Variants in MED15 observed in about 807,000 individuals in gnomAD.
MED15 encodes mediator of RNA polymerase II transcription subunit 15.
In MED15, 41 loss-of-function variants were observed where a neutral mutation model predicts 118.7. The observed-to-expected ratio is 0.35, with a 90% confidence interval of 0.27 to 0.45. The LOEUF (loss-of-function observed/expected upper bound fraction) is 0.45, where lower values mean the gene tolerates loss of function less well. Among genes scored for constraint, MED15 ranks in the 20% least tolerant of loss-of-function variants. The probability of loss-of-function intolerance (pLI) is 1.00; values close to 1 mark genes in which losing one functional copy is unlikely to be tolerated. For missense variants in MED15, 740 were observed against 1,025.5 expected (o/e 0.72, Z 3.80); for synonymous variants, 436 against 413.9 (o/e 1.05, Z -0.65).
At chr22:20,572,441 CCTTGCAGTA>C in intron 8 of MED15, among the ~76,000 whole-genome samples, 1 of 152,334 alleles carries the variant, frequency 6.6e-6, no homozygotes, top group South Asian at 2.1e-4. Context: ...CCTGTCAGGC[CCTTGCAGTA>C]CTGTGGTGTT....
At position 20,575,097 on chromosome 22, in the gene MED15, C is replaced by T. The variant is rs2056783506; in HGVS notation, c.1153-16C>T. 6.2e-7 allele frequency: 1 copy of T among 1,613,366 alleles called. No homozygotes were observed. The highest frequency in any genetic ancestry group is 2.2e-5 in the East Asian group (1 of 44,878). On this transcript the variant is annotated splice_polypyrimidine_tract_variant and intron_variant, in intron 8 of 17. Transcript: ENST00000263205. ...TTGTTGCGATCACCTTGTCTGTTGT[C>T]CCTCTGTCCTCAAAGATGATCACGG...
Position 20,507,667 on chromosome 22 carries a change from T to G in MED15, c.-12T>G. On this transcript the variant is annotated 5_prime_UTR_variant, in exon 1 of 18. Coordinates refer to ENST00000263205, the MANE Select transcript of MED15 (RefSeq NM_001003891.3). ...CAAGCGGGATACGGGCGGCGGGAGCTGGGGAACAGGCATGGACGTTTCCGG... is the reference window on the plus strand; with the variant it reads ...CAAGCGGGATACGGGCGGCGGGAGCGGGGGAACAGGCATGGACGTTTCCGG... 6.2e-7 allele frequency: 1 copy of G among 1,613,872 alleles called. No individual in the cohort carries two copies. The highest frequency in any genetic ancestry group is 8.5e-7 in the Non-Finnish European group (1 of 1,179,876).
intron 9 of MED15, among the ~76,000 whole-genome samples, chr22:20,579,362 C>T (rs574130159): frequency 4.6e-5 from 7 of 152,112 alleles, no homozygotes; most frequent in African/African-American, 1.2e-4. Flanking sequence ...TGAATGGGTG[C>T]CCTTCATTTG....
intron 2 of MED15, among the ~76,000 whole-genome samples, chr22:20,540,445 G>A (rs763098016): frequency 9.2e-5 from 14 of 152,004 alleles, no homozygotes; most frequent in Non-Finnish European, 1.5e-4. Flanking sequence ...ATGGTGGCGC[G>A]TGCCTGTAGT....
intron 1 of MED15, among the ~76,000 whole-genome samples, chr22:20,526,655 A>G (rs942999379): frequency 6.6e-6 from 1 of 152,258 alleles, no homozygotes; most frequent in Admixed American, 6.5e-5. Context: ...CTCTCAGTAC[A>G]GTTATCTTCA....
chr22:20,569,284 C>T (rs1402871269), intron 8 of MED15, among the ~76,000 whole-genome samples: 3 of 152,180 alleles, frequency 2.0e-5, no homozygotes, highest in Non-Finnish European at 2.9e-5. Flanking sequence ...TATAACCCCT[C>T]CTCTCCTTCT....
rs140361541 is a variant in MED15 at position 20,559,417 on chromosome 22, G to A, written c.451+4269G>A. On this transcript the variant is annotated intron_variant, in intron 5 of 17. Coordinates refer to ENST00000263205, the MANE Select transcript of MED15 (RefSeq NM_001003891.3). ...GCACATGGAAAATGTGAAAGCAAGG[G>A]TAAGAAATGAGGATAAGATCAGAAA... Among the ~76,000 whole-genome samples the A allele has an allele frequency of 5.2e-4, 79 of 152,246 alleles. 1 individual carries two copies. The Middle Eastern group carries it at 0.01, about 20-fold the overall frequency.
intron 1 of MED15, among the ~76,000 whole-genome samples, chr22:20,513,524 G>T (rs958691531): frequency 1.3e-5 from 2 of 152,146 alleles, no homozygotes; most frequent in African/African-American, 4.8e-5. Context: ...TGACCCACCT[G>T]CCTCGGCCTC....
chr22:20,568,067 C>T (rs1426562450), intron 7 of MED15, among the ~76,000 whole-genome samples: 2 of 152,198 alleles, frequency 1.3e-5, no homozygotes, highest in Non-Finnish European at 2.9e-5. Context: ...TCTTGATCTC[C>T]TGGGCTTAAG....
rs781519780 is a variant in MED15 at position 20,566,636 on chromosome 22, C to T, written c.860C>T (p.Pro287Leu). ...QPQPPPSQAL[P>L]QQLQQMHHTQ... ...CAGCCTCCGCCCTCCCAGGCTCTGCCCCAGCAGCTGCAGCAGATGCATCAC... is the reference window on the plus strand; with the variant it reads ...CAGCCTCCGCCCTCCCAGGCTCTGCTCCAGCAGCTGCAGCAGATGCATCAC... Residue 287 changes from proline (P) to leucine (L), a missense_variant, in exon 7 of 18, where the codon CCC becomes CTC. Pro to Leu is a moderately conservative substitution (Grantham distance 98, BLOSUM62 -3). Transcript: ENST00000263205. 1 of 1,614,104 alleles carries T rather than the reference C, an allele frequency of 6.2e-7. No individual in the cohort carries two copies. Among genetic ancestry groups the T allele is most frequent in the South Asian group, 1.1e-5 (1 of 91,080 alleles).
chr22:20,537,054 C>A, intron 1 of MED15, 63 bp from the exon 2 acceptor site: 1 of 1,480,860 alleles, frequency 6.8e-7, no homozygotes, highest in Non-Finnish European at 9.3e-7. Flanking sequence ...GCCTGTTGGC[C>A]AGGGCCCTGC....
chr22:20,558,639 T>C (rs1228240834), intron 5 of MED15, among the ~76,000 whole-genome samples: 1 of 152,182 alleles, frequency 6.6e-6, no homozygotes, highest in African/African-American at 2.4e-5. Context: ...CACTTTGGAA[T>C]GCTGGCCTGC....
intron 6 of MED15, among the ~76,000 whole-genome samples, chr22:20,565,125 AAAAAAT>A (rs1219576114): frequency 2.6e-5 from 4 of 152,226 alleles, no homozygotes; most frequent in South Asian, 2.1e-4. Flanking sequence ...TCCGTCTCAA[AAAAAAT>A]AAAAATAAAA....
intron 1 of MED15, among the ~76,000 whole-genome samples, chr22:20,534,678 G>A (rs1354369274): frequency 6.6e-6 from 1 of 152,190 alleles, no homozygotes. Flanking sequence ...TTGGGGCCTA[G>A]CAGCTATCGT....
At chr22:20,559,370 C>G (rs1476349810) in intron 5 of MED15, among the ~76,000 whole-genome samples, 1 of 152,004 alleles carries the variant, frequency 6.6e-6, no homozygotes, top group East Asian at 1.9e-4. Flanking sequence ...AAGAAATTAT[C>G]TAGAATGTAG....
Position 20,555,083 on chromosome 22 carries a change from C to T in MED15, c.386C>T (p.Pro129Leu), listed in dbSNP as rs765584243. Residue 129 changes from proline (P) to leucine (L), a missense_variant, in exon 5 of 18, where the codon CCG becomes CTG. By Grantham distance (98) the Pro-to-Leu change is moderately conservative. Coordinates refer to ENST00000263205, the MANE Select transcript of MED15 (RefSeq NM_001003891.3). ...MGQPMSLSGQ[P>L]PPGTSGMAPH... The stretch of plus-strand genomic sequence containing the variant: ...CAGCCAATGTCTCTCTCAGGGCAGC[C>T]GCCTCCTGGGACCTCGGGGATGGCC... 6.8e-6 allele frequency: 11 copies of T among 1,612,178 alleles called. No individual in the cohort carries two copies. The highest frequency in any genetic ancestry group is 3.3e-5 in the South Asian group (3 of 90,902).
At chr22:20,549,945 T>A (rs1218392706) in intron 2 of MED15, among the ~76,000 whole-genome samples, 3 of 152,234 alleles carry the variant, frequency 2.0e-5, no homozygotes, top group African/African-American at 4.8e-5. Flanking sequence ...GTCTTATGTC[T>A]AAGTAAAAGT....
At chr22:20,580,412 G>A (rs1463851674) in intron 9 of MED15, among the ~76,000 whole-genome samples, 1 of 152,180 alleles carries the variant, frequency 6.6e-6, no homozygotes, top group Non-Finnish European at 1.5e-5. Context: ...CCACAGAAAA[G>A]AGCTGACCAT....
chr22:20,561,747 G>T (rs971105711), intron 5 of MED15, among the ~76,000 whole-genome samples: 1 of 152,178 alleles, frequency 6.6e-6, no homozygotes, highest in African/African-American at 2.4e-5. Flanking sequence ...AAGTGCAGTG[G>T]CTCACGTCTG....
Sources: gnomAD v4.1 joint callset for allele counts (sites outside exome capture counted in the v4.1 genomes callset) on GRCh38, gnomAD v4.1.1 for gene constraint, MANE v1.5 for transcripts, NCBI Gene and HGNC (gene_info 2026-07-23, HGNC 2026-07-21) for gene names.